MTNR1A: variants seen among roughly 807,000 people sequenced by gnomAD.
The protein encoded by MTNR1A is melatonin receptor 1A, also known as melatonin receptor type 1A.
A neutral mutation model predicts 5.5 loss-of-function variants in MTNR1A; 7 were observed. That is an observed-to-expected ratio of 1.28 (90% CI 0.73 to 2.40). The LOEUF is 2.40. Among genes scored for constraint, MTNR1A ranks in the 30% most tolerant of loss-of-function variants. The pLI, the probability that MTNR1A is intolerant of heterozygous loss-of-function variation, is 0.00. For synonymous variants in MTNR1A, 196 were observed against 202.7 expected, an observed-to-expected ratio of 0.97 and a Z score of 0.28; for missense variants, 441 against 464.4, an observed-to-expected ratio of 0.95 and a Z score of 0.46.
At chr4:186,536,353 AAAAAAGAAAAAAAAG>A (rs58922967) in intron 1 of MTNR1A, among the ~76,000 whole-genome samples, 29,483 of 151,190 alleles carry the variant, frequency 0.2, 3,447 homozygotes, top group East Asian at 0.56. Context: ...TATCAAAAAA[AAAAAAGAAAAAAAAG>A]AAAAAGAAAA....
At chr4:186,549,293 C>T (rs1262487485) in intron 1 of MTNR1A, among the ~76,000 whole-genome samples, 43 of 152,132 alleles carry the variant, frequency 2.8e-4, no homozygotes, top group Admixed American at 2.8e-3. Flanking sequence ...TTTTTATAAT[C>T]CACCACTTAA....
intron 1 of MTNR1A, among the ~76,000 whole-genome samples, chr4:186,548,943 T>A (rs1737213809): frequency 6.7e-6 from 1 of 150,108 alleles, no homozygotes; most frequent in African/African-American, 2.4e-5. Context: ...CAGTTGGAAG[T>A]ATTCCAAATT....
rs1025479903 is a variant in MTNR1A, at chr4:186,533,677, C to A, written c.*12G>T. ...CGCAGCGTGTCCATCTCACCCGGAACGTGGTGCTTTTTTAAACGGAGTCCA... is the reference window on the plus strand; with the variant it reads ...CGCAGCGTGTCCATCTCACCCGGAAAGTGGTGCTTTTTTAAACGGAGTCCA... On this transcript the variant is annotated 3_prime_UTR_variant, in exon 2 of 2. Transcript: ENST00000307161. The A allele has an allele frequency of 4.3e-6, 7 of 1,613,676 alleles. No homozygotes were observed. In the Admixed American group the frequency reaches 8.3e-5, roughly 19 times the overall value.
At chr4:186,535,389 G>GA (rs397731233) in intron 1 of MTNR1A, among the ~76,000 whole-genome samples, 1,854 of 148,554 alleles carry the variant, frequency 0.012, 17 homozygotes, top group Non-Finnish European at 0.018. Flanking sequence ...TTTAATTACA[G>GA]AAAAAAAAAA....
chr4:186,555,040 A>T lies in MTNR1A; in HGVS notation c.184+142T>A. ...AAGGCACTTTCAACGGGCAGGCTGG[A>T]GAAGAGTCCTCTCTAACAGGAAAAA... On this transcript the variant is annotated intron_variant, in intron 1 of 1. Transcript: ENST00000307161. The surrounding 1 kb of genome is among the most constrained non-coding windows in gnomAD (Gnocchi z 4.1). The T allele has an allele frequency of 1.0e-6, 1 of 962,436 alleles. No homozygotes were observed. The highest frequency in any genetic ancestry group is 1.6e-6 in the Non-Finnish European group (1 of 626,690). The allele number at this position is 962,436 out of a possible 1,614,324, so 59.6% of individuals were successfully genotyped here.
In MTNR1A at chr4:186,533,778, C is replaced by G. The variant is rs1433459006; in HGVS notation, c.964G>C (p.Asp322His). The change falls in exon 2 of 2, where the codon GAC becomes CAC. Residue 322 changes from aspartate (D) to histidine (H), a missense_variant. Coordinates refer to ENST00000307161, the MANE Select transcript of MTNR1A (RefSeq NM_005958.4). ...CTATCGGCCACGTCGTTAGAGCTGT[C>G]CACAAAGAACACCCTGGCTGTACAG... ...SLCTARVFFV[D>H]SSNDVADRVK... 6.2e-7 allele frequency: 1 copy of G among 1,614,092 alleles called. No individual in the cohort carries two copies. Among genetic ancestry groups the G allele is most frequent in the African/African-American group, 1.3e-5 (1 of 74,922 alleles).
rs567247818 is a variant in MTNR1A, at chr4:186,549,177, G to A, written c.184+6005C>T. Among the ~76,000 whole-genome samples, 6 of 151,840 alleles carry A rather than the reference G, an allele frequency of 4.0e-5. No homozygotes were observed. In the South Asian group the frequency reaches 1.0e-3, roughly 26 times the overall value. On this transcript the variant is annotated intron_variant, in intron 1 of 1. Coordinates refer to ENST00000307161, the MANE Select transcript of MTNR1A (RefSeq NM_005958.4). ...CAGCAAGCATTTAAATAAAGGAGGA[G>A]GGAATGAATGCAGGAAGGATGAAAG...
At chr4:186,539,453 T>C (rs1013350714) in intron 1 of MTNR1A, among the ~76,000 whole-genome samples, 1 of 152,278 alleles carries the variant, frequency 6.6e-6, no homozygotes, top group Non-Finnish European at 1.5e-5. Flanking sequence ...ATGGCTATGG[T>C]CTAAATGTGT....
At chr4:186,551,535 G>A (rs762747227) in intron 1 of MTNR1A, among the ~76,000 whole-genome samples, 11 of 152,082 alleles carry the variant, frequency 7.2e-5, no homozygotes, top group Non-Finnish European at 1.0e-4. Flanking sequence ...AGATAGGTGG[G>A]TAGGTAGGTG....
At chr4:186,548,947 C>T (rs576125112) in intron 1 of MTNR1A, among the ~76,000 whole-genome samples, 227 of 148,788 alleles carry the variant, frequency 1.5e-3, no homozygotes, top group Middle Eastern at 0.014. Flanking sequence ...TGGAAGTATT[C>T]CAAATTCAGA....
chr4:186,544,239 T>C (rs1183483744), intron 1 of MTNR1A, among the ~76,000 whole-genome samples: 1 of 152,150 alleles, frequency 6.6e-6, no homozygotes, highest in Non-Finnish European at 1.5e-5. Context: ...CAGGATAGTC[T>C]CGATCTCTTG....
chr4:186,552,593 A>G (rs541822755), intron 1 of MTNR1A, among the ~76,000 whole-genome samples: 6 of 152,342 alleles, frequency 3.9e-5, no homozygotes, highest in Non-Finnish European at 8.8e-5. Flanking sequence ...AAGCCAACAC[A>G]GTATTACGTG....
chr4:186,545,061 C>T (rs1737111743), intron 1 of MTNR1A, among the ~76,000 whole-genome samples: 1 of 152,148 alleles, frequency 6.6e-6, no homozygotes, highest in Non-Finnish European at 1.5e-5. Flanking sequence ...CTTTCCCCTG[C>T]CCTGATCTGC....
chr4:186,553,678 A>T (rs1737308825), intron 1 of MTNR1A, among the ~76,000 whole-genome samples: 1 of 152,116 alleles, frequency 6.6e-6, no homozygotes, highest in African/African-American at 2.4e-5. Flanking sequence ...CATCCAGCTA[A>T]TTTTTTGTAT....
chr4:186,536,573 G>A (rs114449177), intron 1 of MTNR1A, among the ~76,000 whole-genome samples: 9 of 151,896 alleles, frequency 5.9e-5, no homozygotes, highest in African/African-American at 1.2e-4. Context: ...TCATATTTGC[G>A]TCCTAGACCA....
intron 1 of MTNR1A, among the ~76,000 whole-genome samples, chr4:186,542,691 T>C (rs1737052553): frequency 1.3e-5 from 2 of 152,148 alleles, no homozygotes; most frequent in African/African-American, 2.4e-5. Flanking sequence ...TCCTCTCATA[T>C]TACCCTGGTG....
intron 1 of MTNR1A, among the ~76,000 whole-genome samples, chr4:186,548,567 T>C (rs1560897953): frequency 6.6e-6 from 1 of 151,840 alleles, no homozygotes; most frequent in Non-Finnish European, 1.5e-5. Context: ...TAATTCATAA[T>C]GCACTTTAAG....
intron 1 of MTNR1A, among the ~76,000 whole-genome samples, chr4:186,547,518 G>T (rs1438137533): frequency 6.6e-6 from 1 of 152,294 alleles, no homozygotes; most frequent in African/African-American, 2.4e-5. Flanking sequence ...CCTGGTTCAT[G>T]GTACTCGCGG....
intron 1 of MTNR1A, among the ~76,000 whole-genome samples, chr4:186,553,595 T>G (rs1737305565): frequency 6.6e-6 from 1 of 152,244 alleles, no homozygotes; most frequent in South Asian, 2.1e-4. Context: ...CACTGCAACT[T>G]CCGCCTCCCG....
Sources: allele counts gnomAD v4.1 joint callset (sites outside exome capture counted in the v4.1 genomes callset), GRCh38; gene constraint gnomAD v4.1.1; non-coding constraint Gnocchi (gnomAD v3.1); transcripts MANE v1.5; gene names NCBI Gene and HGNC (gene_info 2026-07-23, HGNC 2026-07-21).